DKK2: variants seen among roughly 807,000 people sequenced by gnomAD.
DKK2 encodes dickkopf Wnt signaling pathway inhibitor 2.
Under a neutral mutation model 28.1 loss-of-function variants are expected in DKK2, and 11 were observed. The observed-to-expected ratio is 0.39, with a 90% CI of 0.25 to 0.65. The LOEUF (loss-of-function observed/expected upper bound fraction) is 0.65, where lower values mean the gene tolerates loss of function less well. Among genes scored for constraint, DKK2 ranks in the 30% least tolerant of loss-of-function variants. The pLI, the probability that DKK2 is intolerant of heterozygous loss-of-function variation, is 0.47. For synonymous variants in DKK2, 135 were observed against 126.5 expected, an observed-to-expected ratio of 1.07 and a Z score of -0.45; for missense variants, 326 against 335.5, an observed-to-expected ratio of 0.97 and a Z score of 0.22.
At chr4:106,997,270 G>T (rs749888736) in intron 1 of DKK2, among the ~76,000 whole-genome samples, 1 of 151,982 alleles carries the variant, frequency 6.6e-6, no homozygotes, top group Non-Finnish European at 1.5e-5. Context: ...AACCTGACAC[G>T]TAGAAGGCTT....
chr4:106,981,016 C>T (rs1160865081), intron 1 of DKK2, among the ~76,000 whole-genome samples: 1 of 152,118 alleles, frequency 6.6e-6, no homozygotes, highest in Admixed American at 6.6e-5. Context: ...CAAGAATTTA[C>T]TACTGCTGCC....
chr4:106,991,485 G>A (rs1723203538), intron 1 of DKK2, among the ~76,000 whole-genome samples: 1 of 152,052 alleles, frequency 6.6e-6, no homozygotes, highest in African/African-American at 2.4e-5. Flanking sequence ...CATTAGTCAA[G>A]AACCCTCAGA....
In DKK2 at chr4:107,035,596, C is replaced by T. The variant is rs776156866; in HGVS notation, c.-5G>A. 13 of 1,613,496 alleles carry T rather than the reference C, an allele frequency of 8.1e-6. No individual in the cohort carries two copies. The highest frequency in any genetic ancestry group is 6.7e-5 in the East Asian group (3 of 44,872). On this transcript the variant is annotated 5_prime_UTR_variant, in exon 1 of 4. Transcript: ENST00000285311. ...GCTCCGCATCAACGCGGCCATCTCC[C>T]GGCGAGGGGGTCCCCAGGAAGACGC...
chr4:106,996,403 A>G (rs1209752344), intron 1 of DKK2, among the ~76,000 whole-genome samples: 5 of 152,202 alleles, frequency 3.3e-5, no homozygotes, highest in African/African-American at 1.2e-4. Context: ...ACAGCAGATT[A>G]TAAGGTTAGT....
chr4:107,026,287 A>T, intron 1 of DKK2, among the ~76,000 whole-genome samples: 1 of 152,324 alleles, frequency 6.6e-6, no homozygotes, highest in East Asian at 1.9e-4. Flanking sequence ...GAGTCTTATC[A>T]GGTTGAAAGT....
At chr4:106,973,625 T>C (rs1461012148) in intron 1 of DKK2, among the ~76,000 whole-genome samples, 1 of 152,230 alleles carries the variant, frequency 6.6e-6, no homozygotes, top group African/African-American at 2.4e-5. Context: ...CTGTAGCTTC[T>C]GGAGATTAGC....
intron 1 of DKK2, among the ~76,000 whole-genome samples, chr4:106,938,409 A>C (rs2110342669): frequency 6.6e-6 from 1 of 152,332 alleles, no homozygotes; most frequent in South Asian, 2.1e-4. Flanking sequence ...CTCTCCCAAG[A>C]CTAAACCAGG....
At chr4:106,971,962 C>A (rs1030439657) in intron 1 of DKK2, among the ~76,000 whole-genome samples, 21 of 152,166 alleles carry the variant, frequency 1.4e-4, no homozygotes, top group African/African-American at 4.8e-4. Flanking sequence ...GATGTAGCAA[C>A]CTGACACTAC....
chr4:106,951,850 C>T (rs1724865311), intron 1 of DKK2, among the ~76,000 whole-genome samples: 1 of 151,966 alleles, frequency 6.6e-6, no homozygotes, highest in African/African-American at 2.4e-5. Context: ...CAAAATATGG[C>T]TCCTAAGAAA....
chr4:106,931,918 A>G (rs1246961296), intron 1 of DKK2, among the ~76,000 whole-genome samples: 4 of 152,084 alleles, frequency 2.6e-5, no homozygotes, highest in Admixed American at 6.6e-5. Context: ...AAAATTCCAA[A>G]TTTTACTTAT....
intron 1 of DKK2, among the ~76,000 whole-genome samples, chr4:106,971,151 T>G (rs528610127): frequency 1.3e-5 from 2 of 152,194 alleles, no homozygotes; most frequent in Non-Finnish European, 2.9e-5. Context: ...ATTATCCATA[T>G]GTACTCTGTT....
At chr4:106,948,249 AG>A (rs1724806781) in intron 1 of DKK2, among the ~76,000 whole-genome samples, 1 of 152,146 alleles carries the variant, frequency 6.6e-6, no homozygotes, top group Non-Finnish European at 1.5e-5. Flanking sequence ...AATCACCTGG[AG>A]GGCATGTTAA....
chr4:106,935,323 G>C (rs1368594627), intron 1 of DKK2, among the ~76,000 whole-genome samples: 1 of 152,216 alleles, frequency 6.6e-6, no homozygotes, highest in African/African-American at 2.4e-5. Flanking sequence ...GGGTCAGGGA[G>C]TTCCCTTTCC....
chr4:107,000,172 T>G (rs1197582348), intron 1 of DKK2, among the ~76,000 whole-genome samples: 1 of 152,158 alleles, frequency 6.6e-6, no homozygotes, highest in African/African-American at 2.4e-5. Context: ...TCCAATAAAT[T>G]CTCATTTTTT....
chr4:106,935,708 A>G (rs1724574619), intron 1 of DKK2, among the ~76,000 whole-genome samples: 2 of 152,190 alleles, frequency 1.3e-5, no homozygotes, highest in African/African-American at 2.4e-5. Flanking sequence ...GCAGACTTAA[A>G]TGTCCCTGTC....
At chr4:106,999,040 AG>A (rs1184346370) in intron 1 of DKK2, among the ~76,000 whole-genome samples, 3 of 152,180 alleles carry the variant, frequency 2.0e-5, no homozygotes, top group Non-Finnish European at 4.4e-5. Context: ...GAAAAATAAA[AG>A]GGGGATTGGC....
At position 106,959,214 on chromosome 4, in the gene DKK2, A is replaced by G. The variant is rs550632619; in HGVS notation, c.223-33265T>C. Among the ~76,000 whole-genome samples, 4 of 152,278 alleles carry G rather than the reference A, an allele frequency of 2.6e-5. No homozygotes were observed. The East Asian group carries it at 7.7e-4, about 29-fold the overall frequency. ...GTATGAGAAAATATTCCAAACATAT[A>G]AAAGGGTTTTTTCTGGTAGATTAGG... On this transcript the variant is annotated intron_variant, in intron 1 of 3. Coordinates refer to ENST00000285311, the MANE Select transcript of DKK2 (RefSeq NM_014421.3).
At chr4:107,003,557 C>T (rs1723393701) in intron 1 of DKK2, among the ~76,000 whole-genome samples, 1 of 152,172 alleles carries the variant, frequency 6.6e-6, no homozygotes, top group East Asian at 1.9e-4. Flanking sequence ...GTAGCACTGC[C>T]CTAACATTTT....
intron 1 of DKK2, among the ~76,000 whole-genome samples, chr4:106,934,859 T>C (rs1418772891): frequency 6.6e-6 from 1 of 152,170 alleles, no homozygotes; most frequent in Admixed American, 6.5e-5. Context: ...TTAAAAGAGA[T>C]ACTTTAAGGG....
Sources: gnomAD v4.1 joint callset for allele counts (sites outside exome capture counted in the v4.1 genomes callset) on GRCh38, gnomAD v4.1.1 for gene constraint, MANE v1.5 for transcripts, NCBI Gene and HGNC (gene_info 2026-07-23, HGNC 2026-07-21) for gene names.